Variants in NKAIN2 observed in about 807,000 individuals in gnomAD.
NKAIN2 encodes the protein sodium/potassium-transporting ATPase subunit beta-1-interacting protein 2.
A neutral mutation model predicts 32.6 loss-of-function variants in NKAIN2; 14 were observed. The observed-to-expected ratio is 0.43, with a 90% CI of 0.28 to 0.67. NKAIN2 has a LOEUF of 0.67. NKAIN2 is among the 30% of genes least tolerant of loss of function. NKAIN2 has a pLI of 0.17. For synonymous variants in NKAIN2, 80 were observed against 87.2 expected (o/e 0.92, Z 0.46); for missense variants, 198 against 258.3 (o/e 0.77, Z 1.60).
At chr6:123,895,162 C>G (rs571792752) in intron 1 of NKAIN2, among the ~76,000 whole-genome samples, 38 of 151,314 alleles carry the variant, frequency 2.5e-4, no homozygotes, top group Admixed American at 2.2e-3. Context: ...CCTCAGTTCT[C>G]TCTTTCTTTC....
chr6:124,628,659 A>G (rs1443468021), intron 3 of NKAIN2, among the ~76,000 whole-genome samples: 1 of 151,952 alleles, frequency 6.6e-6, no homozygotes, highest in Admixed American at 6.6e-5. Context: ...CAGATATTTC[A>G]TGTCCCAAAT....
At chr6:124,037,627 T>C (rs900584100) in intron 1 of NKAIN2, among the ~76,000 whole-genome samples, 1 of 152,142 alleles carries the variant, frequency 6.6e-6, no homozygotes, top group Non-Finnish European at 1.5e-5. Flanking sequence ...TTGAGACAGA[T>C]TTGGAAATGA....
intron 3 of NKAIN2, among the ~76,000 whole-genome samples, chr6:124,420,824 A>G (rs904990680): frequency 3.3e-5 from 5 of 152,112 alleles, no homozygotes; most frequent in Non-Finnish European, 5.9e-5. Context: ...TCCATAAGAT[A>G]TAATTATTTT....
chr6:124,494,861 GT>G (rs1181882154), intron 3 of NKAIN2, among the ~76,000 whole-genome samples: 1 of 152,014 alleles, frequency 6.6e-6, no homozygotes, highest in African/African-American at 2.4e-5. Context: ...GCAAGCATTA[GT>G]GGTGATAAAA....
chr6:124,272,105 G>A (rs1477243014), intron 1 of NKAIN2, among the ~76,000 whole-genome samples: 1 of 152,190 alleles, frequency 6.6e-6, no homozygotes, highest in Non-Finnish European at 1.5e-5. Flanking sequence ...CAGTATGAAG[G>A]AAAACCCATT....
At chr6:124,312,171 G>A (rs1796745931) in intron 2 of NKAIN2, among the ~76,000 whole-genome samples, 1 of 152,082 alleles carries the variant, frequency 6.6e-6, no homozygotes. Flanking sequence ...GTCAGTGTGA[G>A]TGAAAAAAAC....
At chr6:123,822,456 A>T (rs1773965899) in intron 1 of NKAIN2, among the ~76,000 whole-genome samples, 1 of 152,224 alleles carries the variant, frequency 6.6e-6, no homozygotes, top group South Asian at 2.1e-4. Flanking sequence ...ATAAGAAACA[A>T]TAAGGAGTTT....
At chr6:124,145,699 GT>G (rs1787365783) in intron 1 of NKAIN2, among the ~76,000 whole-genome samples, 1 of 152,024 alleles carries the variant, frequency 6.6e-6, no homozygotes, top group South Asian at 2.1e-4. Context: ...TAGAGAAGGG[GT>G]TTTACTGTGT....
chr6:124,347,712 T>C (rs1798502502), intron 2 of NKAIN2, among the ~76,000 whole-genome samples: 1 of 152,214 alleles, frequency 6.6e-6, no homozygotes, highest in Non-Finnish European at 1.5e-5. Flanking sequence ...TTCTCTGTAT[T>C]GGTTATTCTA....
chr6:123,873,103 T>G (rs912098349), intron 1 of NKAIN2, among the ~76,000 whole-genome samples: 1 of 152,070 alleles, frequency 6.6e-6, no homozygotes, highest in Non-Finnish European at 1.5e-5. Context: ...AAATAATGAT[T>G]AATAGAAATA....
At chr6:123,898,122 TATG>T (rs1431341939) in intron 1 of NKAIN2, among the ~76,000 whole-genome samples, 6 of 152,180 alleles carry the variant, frequency 3.9e-5, no homozygotes, top group Non-Finnish European at 5.9e-5. Context: ...CAGGATGAAT[TATG>T]ATGATTGGAT....
intron 1 of NKAIN2, among the ~76,000 whole-genome samples, chr6:123,881,471 T>C (rs945407669): frequency 6.6e-6 from 1 of 152,202 alleles, no homozygotes; most frequent in African/African-American, 2.4e-5. Context: ...CAGTTTACAG[T>C]GAAAACCGAT....
chr6:124,016,093 G>T (rs890949769), intron 1 of NKAIN2, among the ~76,000 whole-genome samples: 7 of 152,034 alleles, frequency 4.6e-5, no homozygotes, highest in African/African-American at 1.4e-4. Flanking sequence ...TAAGGCAATA[G>T]ATTTGGGGAA....
At chr6:124,361,786 A>G (rs1303707905) in intron 3 of NKAIN2, among the ~76,000 whole-genome samples, 4 of 152,126 alleles carry the variant, frequency 2.6e-5, no homozygotes, top group African/African-American at 9.6e-5. Context: ...GTTGTCATAT[A>G]CTGTAGACTA....
chr6:123,855,491 G>A (rs1388099744), intron 1 of NKAIN2, among the ~76,000 whole-genome samples: 2 of 152,106 alleles, frequency 1.3e-5, no homozygotes, highest in East Asian at 3.8e-4. Flanking sequence ...GAAGTGATGA[G>A]TGTAAAGAGA....
chr6:124,799,517 A>G (rs2786914), intron 5 of NKAIN2, among the ~76,000 whole-genome samples: 140,088 of 152,210 alleles, frequency 0.92, 64,635 homozygotes, highest in East Asian at 1. Flanking sequence ...TGATATTTCC[A>G]AGTCAAGAAT....
chr6:124,345,759 AT>A (rs1170864893), intron 2 of NKAIN2, among the ~76,000 whole-genome samples: 4 of 151,560 alleles, frequency 2.6e-5, no homozygotes, highest in Non-Finnish European at 4.4e-5. Context: ...CGGTCTATCA[AT>A]TTTGTTGATC....
chr6:123,959,336 C>G lies in NKAIN2; in HGVS notation c.54+155082C>G, dbSNP rs537083465. ...CTGTAGCACACAGTGGATCAGAAAG[C>G]ACTGGGCCAGTGGTCCATGGCTTCC... On this transcript the variant is annotated intron_variant, in intron 1 of 6. Coordinates refer to ENST00000368417, the MANE Select transcript of NKAIN2 (RefSeq NM_001040214.3). Among the ~76,000 whole-genome samples, 90 of 152,264 alleles carry G rather than the reference C, an allele frequency of 5.9e-4. 1 individual carries two copies. Among genetic ancestry groups the G allele is most frequent in the Non-Finnish European group, 8.4e-4 (57 of 68,028 alleles).
At chr6:123,818,908 T>G (rs1396668637) in intron 1 of NKAIN2, among the ~76,000 whole-genome samples, 1 of 152,286 alleles carries the variant, frequency 6.6e-6, no homozygotes, top group East Asian at 1.9e-4. Flanking sequence ...TAGATGAGGC[T>G]TATCTTATTT....
Sources: allele counts gnomAD v4.1 joint callset (sites outside exome capture counted in the v4.1 genomes callset), GRCh38; gene constraint gnomAD v4.1.1; transcripts MANE v1.5; gene names NCBI Gene and HGNC (gene_info 2026-07-23, HGNC 2026-07-21).